Variants in COX4I1 observed in about 807,000 individuals in gnomAD.
The protein encoded by COX4I1 is cytochrome c oxidase subunit 4I1, also known as cytochrome c oxidase subunit 4 isoform 1, mitochondrial.
COX4I1 carries 18 observed loss-of-function variants against 21.7 expected under a neutral mutation model. That is an observed-to-expected ratio of 0.83 (90% CI 0.57 to 1.23). The LOEUF is 1.23. Among genes scored for constraint, COX4I1 ranks in the 50% most tolerant of loss-of-function variants. The pLI is 0.00. For missense variants in COX4I1, 238 were observed against 220.7 expected (o/e 1.08, Z -0.50); for synonymous variants, 100 against 81.5 (o/e 1.23, Z -1.23).
intron 4 of COX4I1, chr16:85,806,113 G>A: frequency 1.7e-6 from 1 of 596,336 alleles, no homozygotes; most frequent in Non-Finnish European, 3.0e-6. Flanking sequence ...TAACTACTTT[G>A]TACAGCACAC....
rs913192306 is a variant in COX4I1, at chr16:85,799,936, G to T, written c.-2+184G>T. On this transcript the variant is annotated intron_variant, in intron 1 of 4. Coordinates refer to ENST00000253452, the MANE Select transcript of COX4I1 (RefSeq NM_001861.6). The surrounding 1 kb of genome is among the most constrained non-coding windows in gnomAD (Gnocchi z 4.2). ...CTCCGGGCTCGGTGGCTCCAGGCTC[G>T]GGGGGCCGCCCCGAAGTGCCCGGTC... 6.6e-6 allele frequency: 1 copy of T among 152,170 alleles called. No individual in the cohort carries two copies. The highest frequency in any genetic ancestry group is 1.5e-5 in the Non-Finnish European group (1 of 68,038). The allele number at this position is 152,170 out of a possible 1,614,324, so 9.4% of individuals were successfully genotyped here.
intron 2 of COX4I1, chr16:85,804,102 C>G (rs900589667): frequency 2.0e-5 from 3 of 152,266 alleles, no homozygotes; most frequent in East Asian, 1.9e-4. Context: ...ATGAATGGCT[C>G]CATGATCCTC....
chr16:85,806,401 T>G, intron 4 of COX4I1: 1 of 667,808 alleles, frequency 1.5e-6, no homozygotes, highest in Non-Finnish European at 2.7e-6. Context: ...CTCGTACTTT[T>G]GGTTTGAATG....
intron 2 of COX4I1, 133 bp from the exon 3 acceptor site, chr16:85,804,804 T>G: frequency 1.4e-6 from 1 of 729,290 alleles, no homozygotes; most frequent in Non-Finnish European, 2.2e-6. Flanking sequence ...GTTTAAACAG[T>G]GGCTGTGACC....
intron 2 of COX4I1, 22 bp downstream of exon 2, chr16:85,801,300 T>G (rs1905737197): frequency 6.3e-7 from 1 of 1,596,740 alleles, no homozygotes; most frequent in Non-Finnish European, 8.6e-7. Context: ...TTTTCTTACT[T>G]TTAAATAGGC....
At chr16:85,800,322 T>G (rs1238486728) in intron 1 of COX4I1, among the ~76,000 whole-genome samples, 1 of 152,112 alleles carries the variant, frequency 6.6e-6, no homozygotes, top group East Asian at 1.9e-4. Context: ...AAGGGGGCCG[T>G]GTAAGGTTGA....
intron 2 of COX4I1, among the ~76,000 whole-genome samples, chr16:85,802,807 C>G (rs1905875029): frequency 6.6e-6 from 1 of 152,210 alleles, no homozygotes; most frequent in Non-Finnish European, 1.5e-5. Context: ...GGGACCAGGC[C>G]TGAAGCTCTG....
At position 85,806,749 on chromosome 16, in the gene COX4I1, C is replaced by A. The variant is rs1309190932; in HGVS notation, c.385C>A (p.Leu129Ile). 1.2e-6 allele frequency: 2 copies of A among 1,613,984 alleles called. No homozygotes were observed. The highest frequency in any genetic ancestry group is 1.6e-4 in the Middle Eastern group (1 of 6,080). The change falls in exon 5 of 5, where the codon CTC (leucine) becomes ATC (isoleucine). Residue 129 changes from leucine to isoleucine, a missense_variant. Transcript: ENST00000253452. ...MWQKHYVYGP[L>I]PQSFDKEWVA... ...GTCTCACACCGTAGTGTACGGCCCC[C>A]TCCCGCAAAGCTTTGACAAAGAGTG...
At chr16:85,806,516 C>T in intron 4 of COX4I1, 2 of 728,332 alleles carry the variant, frequency 2.7e-6, no homozygotes, top group Non-Finnish European at 4.9e-6. Context: ...GGACCTTCTG[C>T]TTTTAGCTTA....
rs1419849338 is a variant in COX4I1, at chr16:85,805,779, C to T, written c.288C>T (p.Gly96=). ...AGAGCTTTGCTGAGATGAACAGGGGCTCGAACGAGTGGAAGACGGTTGTGG... is the reference window on the plus strand; with the variant it reads ...AGAGCTTTGCTGAGATGAACAGGGGTTCGAACGAGTGGAAGACGGTTGTGG... ...FKESFAEMNR[G]SNEWKTVVGG... is the part of the protein sequence containing the mutation. The change falls in exon 4 of 5, where the codon GGC becomes GGT. Residue 96 remains glycine, a synonymous_variant. Transcript: ENST00000253452. The T allele has an allele frequency of 1.2e-6, 2 of 1,614,114 alleles. No individual in the cohort carries two copies. Among genetic ancestry groups the T allele is most frequent in the African/African-American group, 1.3e-5 (1 of 74,938 alleles).
chr16:85,805,393 A>G (rs1906110935), intron 3 of COX4I1: 1 of 515,492 alleles, frequency 1.9e-6, no homozygotes, highest in Admixed American at 3.5e-5. Context: ...TTATTGAAAG[A>G]AACTCAGCAA....
In COX4I1 at chr16:85,805,094, G is replaced by C. The variant is rs764048670; in HGVS notation, c.231G>C (p.Glu77Asp). ...KASWSSLSMDEKVELYRIKFK... is the reference protein window; with the variant it reads ...KASWSSLSMDDKVELYRIKFK... ...CCTGGAGCAGCCTCTCCATGGATGA[G>C]AAAGTCGAGTGTGGGTATTGAAGGG... Residue 77 changes from glutamate (E) to aspartate (D), a missense_variant, in exon 3 of 5, where the codon GAG becomes GAC. Coordinates refer to ENST00000253452, the MANE Select transcript of COX4I1 (RefSeq NM_001861.6). The C allele has an allele frequency of 5.6e-6, 9 of 1,612,144 alleles. No homozygotes were observed. The East Asian group carries it at 1.6e-4, about 28-fold the overall frequency.
chr16:85,804,852 CTG>C (rs1906044837), intron 2 of COX4I1, 83 bp from the exon 3 acceptor site: 2 of 1,257,976 alleles, frequency 1.6e-6, no homozygotes, highest in East Asian at 4.7e-5. Context: ...GTGCACATGT[CTG>C]TGTTTCGGTT....
At chr16:85,804,887 G>A in intron 2 of COX4I1, 50 bp from the exon 3 acceptor site, 2 of 1,533,258 alleles carry the variant, frequency 1.3e-6, no homozygotes, top group Non-Finnish European at 1.8e-6. Context: ...ACCTTGGGGT[G>A]ACTCTCAACT....
intron 1 of COX4I1, among the ~76,000 whole-genome samples, chr16:85,800,361 AG>A (rs902421296): frequency 3.3e-5 from 5 of 152,276 alleles, no homozygotes; most frequent in Non-Finnish European, 5.9e-5. Context: ...GGCCCGGGTG[AG>A]GGGGGGTCTC....
At chr16:85,803,484 G>A (rs1330951030) in intron 2 of COX4I1, 2 of 152,234 alleles carry the variant, frequency 1.3e-5, no homozygotes, top group African/African-American at 2.4e-5. Context: ...CTCCAGACCA[G>A]TGTGTAATAC....
rs546967678 is a variant in COX4I1 at position 85,801,568 on chromosome 16, A to G, written c.73+290A>G. On this transcript the variant is annotated intron_variant, in intron 2 of 4. Coordinates refer to ENST00000253452, the MANE Select transcript of COX4I1 (RefSeq NM_001861.6). ...CCCCTTTCAAAAGATCTTCTGCACC[A>G]TAACTGACTGACCTTAATGACCTCC... 4.6e-5 allele frequency among the ~76,000 whole-genome samples: 7 copies of G among 152,290 alleles called. No homozygotes were observed. In the South Asian group the frequency reaches 1.0e-3, roughly 23 times the overall value.
intron 1 of COX4I1, among the ~76,000 whole-genome samples, chr16:85,800,532 C>A (rs1053850324): frequency 1.3e-5 from 2 of 152,232 alleles, no homozygotes; most frequent in Admixed American, 6.5e-5. Context: ...CACCTCCCCC[C>A]ACCGCTCCCT....
At chr16:85,806,471 G>GTT in intron 4 of COX4I1, 1 of 705,536 alleles carries the variant, frequency 1.4e-6, no homozygotes, top group South Asian at 1.5e-5. Context: ...CTTGGGCTCT[G>GTT]TTTGTCAGAT....
Sources: allele counts gnomAD v4.1 joint callset (sites outside exome capture counted in the v4.1 genomes callset), GRCh38; gene constraint gnomAD v4.1.1; non-coding constraint Gnocchi (gnomAD v3.1); transcripts MANE v1.5; gene names NCBI Gene and HGNC (gene_info 2026-07-23, HGNC 2026-07-21).